S100A13: variants seen among roughly 807,000 people sequenced by gnomAD.
S100A13 encodes the protein S100 calcium binding protein A13, also known as protein S100-A13.
S100A13 carries 6 observed loss-of-function variants against 8.2 expected under a neutral mutation model. That is an observed-to-expected ratio of 0.73 (90% CI 0.40 to 1.44). The LOEUF is 1.44. Among genes scored for constraint, S100A13 ranks in the 40% most tolerant of loss-of-function variants. The pLI is 0.02. For synonymous variants in S100A13, 39 were observed against 45.9 expected (o/e 0.85, Z 0.61); for missense variants, 114 against 113.6 (o/e 1.00, Z -0.02).
intron 2 of S100A13, among the ~76,000 whole-genome samples, chr1:153,620,805 C>T (rs1667195240): frequency 6.6e-6 from 1 of 152,046 alleles, no homozygotes; most frequent in Admixed American, 6.6e-5. Flanking sequence ...TGGCTCACAC[C>T]TGCAATCTCA....
intron 1 of S100A13, chr1:153,626,833 A>C: frequency 5.7e-6 from 1 of 176,800 alleles, no homozygotes; most frequent in Non-Finnish European, 1.2e-5. Flanking sequence ...CGATCTGGAG[A>C]CCCCTCTACT....
intron 2 of S100A13, among the ~76,000 whole-genome samples, 153 bp from the exon 3 acceptor site, chr1:153,619,191 A>C (rs1667079277): frequency 6.6e-6 from 1 of 152,198 alleles, no homozygotes; most frequent in Non-Finnish European, 1.5e-5. Context: ...TGCAGCCCCA[A>C]AACTGCACCG....
chr1:153,629,990 T>C (rs879815448), upstream of S100A13: 15 of 158,102 alleles, frequency 9.5e-5, no homozygotes, highest in Non-Finnish European at 1.9e-4. Context: ...CCATCCCCTC[T>C]ACCAGGCTGA....
chr1:153,628,130 C>A, upstream of S100A13: 2 of 1,550,532 alleles, frequency 1.3e-6, no homozygotes, highest in East Asian at 2.4e-5. Flanking sequence ...CCGGGCTCAA[C>A]CAGCACAGCC....
chr1:153,623,639 T>G (rs1159634641), intron 2 of S100A13, among the ~76,000 whole-genome samples: 1 of 152,156 alleles, frequency 6.6e-6, no homozygotes, highest in African/African-American at 2.4e-5. Flanking sequence ...GTGAGTAAAC[T>G]TCTCAGGAAA....
upstream of S100A13, among the ~76,000 whole-genome samples, chr1:153,632,864 G>T (rs945641130): frequency 6.6e-6 from 1 of 152,144 alleles, no homozygotes; most frequent in Non-Finnish European, 1.5e-5. Context: ...TGTGCACATA[G>T]TCATTAGAAA....
chr1:153,630,608 G>C (rs1571301715), upstream of S100A13: 1 of 1,614,274 alleles, frequency 6.2e-7, no homozygotes, highest in African/African-American at 1.3e-5. Flanking sequence ...AGTACAAGCT[G>C]AGCAAGAAGG....
chr1:153,632,585 T>C (rs921636079), upstream of S100A13, among the ~76,000 whole-genome samples: 7 of 152,162 alleles, frequency 4.6e-5, no homozygotes, highest in African/African-American at 1.7e-4. Context: ...GAATCTTCTT[T>C]CAATCAACGA....
chr1:153,628,338 T>C (rs1571297295), upstream of S100A13: 16 of 1,527,056 alleles, frequency 1.0e-5, no homozygotes, highest in East Asian at 3.7e-4. Context: ...CCTGGCCCCT[T>C]GCCCCACAGG....
chr1:153,621,503 T>C (rs1237798395), intron 2 of S100A13, among the ~76,000 whole-genome samples: 3 of 151,346 alleles, frequency 2.0e-5, no homozygotes, highest in African/African-American at 4.8e-5. Context: ...CTGGGCATGG[T>C]GGCTCATGCC....
At chr1:153,624,204 GAC>G (rs1230027060) in intron 2 of S100A13, among the ~76,000 whole-genome samples, 5 of 152,196 alleles carry the variant, frequency 3.3e-5, no homozygotes, top group African/African-American at 1.2e-4. Context: ...TTTTGTTAAT[GAC>G]ACAGTCTAAA....
rs972141962 is a variant in S100A13, at chr1:153,618,859, G to C, written c.*36C>G. ...GTGCGGTTCTGCTCGGCCCTGATCAGCTCTGCCCTGCCCACCCCATCTCAG... is the reference window on the plus strand; with the variant it reads ...GTGCGGTTCTGCTCGGCCCTGATCACCTCTGCCCTGCCCACCCCATCTCAG... On this transcript the variant is annotated 3_prime_UTR_variant, in exon 3 of 3. Transcript: ENST00000476133. 7.5e-6 allele frequency: 12 copies of C among 1,609,816 alleles called. No individual in the cohort carries two copies. Among genetic ancestry groups the C allele is most frequent in the Middle Eastern group, 1.7e-4 (1 of 6,058 alleles).
upstream of S100A13, chr1:153,631,346 G>A (rs372555196): frequency 9.8e-6 from 10 of 1,023,494 alleles, no homozygotes; most frequent in African/African-American, 4.9e-5. Context: ...TTTAACCACC[G>A]ATTACCAATT....
chr1:153,626,252 A>G (rs1485573305), intron 2 of S100A13, 68 bp downstream of exon 2: 11 of 1,445,520 alleles, frequency 7.6e-6, no homozygotes, highest in Non-Finnish European at 9.7e-6. Flanking sequence ...ACTCGGCACC[A>G]TCACGTCCTA....
chr1:153,628,366 G>T, upstream of S100A13: 1 of 1,544,038 alleles, frequency 6.5e-7, no homozygotes, highest in Non-Finnish European at 8.7e-7. Context: ...TCTGTGAAGG[G>T]GTGGAGTCGG....
chr1:153,632,530 C>G (rs943100556), upstream of S100A13, among the ~76,000 whole-genome samples: 1 of 152,066 alleles, frequency 6.6e-6, no homozygotes, highest in Admixed American at 6.5e-5. Context: ...CTCGGCCTCC[C>G]AAAGTGCTGA....
chr1:153,627,677 G>A (rs779683701), upstream of S100A13: 52 of 170,576 alleles, frequency 3.0e-4, 1 homozygote, highest in Admixed American at 1.1e-4. Context: ...CCAGCCACAC[G>A]AGCGCCCCCA....
At chr1:153,631,739 G>T (rs1668020283), upstream of S100A13, 1 of 1,614,122 alleles carries the variant, frequency 6.2e-7, no homozygotes, top group Non-Finnish European at 8.5e-7. Context: ...TGATGAAGGA[G>T]CTAGACGAGA....
chr1:153,624,255 CA>C (rs1667456338), intron 2 of S100A13, among the ~76,000 whole-genome samples: 1 of 152,056 alleles, frequency 6.6e-6, no homozygotes, highest in Non-Finnish European at 1.5e-5. Flanking sequence ...TGTAAGAAGA[CA>C]AATCTTTTTG....
Sources: gnomAD v4.1 joint callset for allele counts (sites outside exome capture counted in the v4.1 genomes callset) on GRCh38, gnomAD v4.1.1 for gene constraint, MANE v1.5 for transcripts, NCBI Gene and HGNC (gene_info 2026-07-23, HGNC 2026-07-21) for gene names.